The following C3orf52 variants were observed in gnomAD, a reference collection of about 807,000 sequenced individuals.
C3orf52 encodes chromosome 3 open reading frame 52.
Under a neutral mutation model 24.8 loss-of-function variants are expected in C3orf52, and 22 were observed. That is an observed-to-expected ratio of 0.89 (90% CI 0.63 to 1.27). C3orf52 has a LOEUF of 1.27. Ranked by LOEUF, C3orf52 falls within the 50% of genes most tolerant of loss-of-function variation. C3orf52 has a pLI of 0.00. For missense variants in C3orf52, 265 were observed against 260.7 expected (o/e 1.02, Z -0.11); for synonymous variants, 93 against 100.2 (o/e 0.93, Z 0.43).
rs143986051 is a variant in C3orf52 at position 112,088,636 on chromosome 3, A to G, written c.138+2091A>G. On this transcript the variant is annotated intron_variant, in intron 1 of 5. Transcript: ENST00000264848. ...TTGAACGTATGTTTTTTAGATCTCA[A>G]ACCTTTGCTGTTTCTGTTGATTTAT... Among the ~76,000 whole-genome samples the G allele has an allele frequency of 4.0e-5, 6 of 151,672 alleles. No individual in the cohort carries two copies. In the East Asian group the frequency reaches 1.2e-3, roughly 29 times the overall value.
intron 2 of C3orf52, among the ~76,000 whole-genome samples, chr3:112,096,908 C>T (rs919902605): frequency 2.0e-5 from 3 of 152,176 alleles, no homozygotes; most frequent in Non-Finnish European, 4.4e-5. Flanking sequence ...AATTCAGGAT[C>T]ATGGCTTAGC....
At chr3:112,119,544 C>T (rs1157965275), downstream of C3orf52, 4 of 702,796 alleles carry the variant, frequency 5.7e-6, no homozygotes, top group Non-Finnish European at 7.8e-6. Context: ...TACACATGTT[C>T]GTGTCTTCTT....
chr3:112,112,810 T>C (rs764669496), intron 4 of C3orf52, 154 bp from the exon 5 acceptor site: 26 of 741,658 alleles, frequency 3.5e-5, no homozygotes, highest in Admixed American at 3.3e-4. Flanking sequence ...AGGATTCTTA[T>C]AGGACAGTAT....
At chr3:112,129,732 C>T (rs1228993010), downstream of C3orf52, 3 of 152,204 alleles carry the variant, frequency 2.0e-5, no homozygotes, top group Non-Finnish European at 4.4e-5. Flanking sequence ...CTCTGGGTCT[C>T]CAGCCCCTAA....
downstream of C3orf52, chr3:112,134,596 A>G (rs1371570062): frequency 6.6e-6 from 1 of 152,240 alleles, no homozygotes; most frequent in East Asian, 1.9e-4. Flanking sequence ...AAAATTGAAC[A>G]TAGGGTTACT....
exon 5 of C3orf52, chr3:112,128,345 GTAA>G: frequency 1.7e-6 from 1 of 583,684 alleles, no homozygotes; most frequent in East Asian, 3.4e-5. Flanking sequence ...TGGTTCCCTT[GTAA>G]TGAAGAACAC....
At chr3:112,126,676 C>G (rs1262130803) in intron 4 of C3orf52, among the ~76,000 whole-genome samples, 1 of 152,310 alleles carries the variant, frequency 6.6e-6, no homozygotes, top group South Asian at 2.1e-4. Flanking sequence ...TCCCCTATCC[C>G]AGGCTGGCTT....
At position 112,127,130 on chromosome 3, in the gene C3orf52, G is replaced by A; in HGVS notation, c.*47-1103G>A. On this transcript the variant is annotated intron_variant, in intron 4 of 4. Transcript: ENST00000480282. ...AACTTACTTTTAACTCTTTGTTAAA[G>A]TTATATACCTTTTATAATACCTCCT... 6 of 733,508 alleles carry A rather than the reference G, an allele frequency of 8.2e-6. No homozygotes were observed. In the South Asian group the frequency reaches 8.9e-5, roughly 11 times the overall value. 45.4% of individuals were successfully genotyped at this position (733,508 alleles called of 1,614,324 possible).
At position 112,092,453 on chromosome 3, in the gene C3orf52, G is replaced by C. The variant is rs6766916; in HGVS notation, c.139-907G>C. ...AGGAGAAGAGTCATGGGACCATATA[G>C]GGTAAGGTGGGGGCCCCTCTGTGAC... On this transcript the variant is annotated intron_variant, in intron 1 of 5. Transcript: ENST00000264848. Among the ~76,000 whole-genome samples, 350 of 152,300 alleles carry C rather than the reference G, an allele frequency of 2.3e-3. 2 individuals carry two copies. The highest frequency in any genetic ancestry group is 8.2e-3 in the African/African-American group (342 of 41,570).
At chr3:112,129,529 T>C (rs1173968095), downstream of C3orf52, 2 of 152,184 alleles carry the variant, frequency 1.3e-5, no homozygotes, top group Non-Finnish European at 2.9e-5. Flanking sequence ...TGTCAGGAAT[T>C]TGAGGTATCT....
intron 4 of C3orf52, chr3:112,112,547 G>A (rs145234695): frequency 8.7e-5 from 18 of 206,970 alleles, no homozygotes; most frequent in Non-Finnish European, 1.7e-4. Flanking sequence ...CCTTTGTGGG[G>A]GCAATGCTGA....
At chr3:112,094,051 G>C (rs2073904094) in intron 2 of C3orf52, among the ~76,000 whole-genome samples, 1 of 151,982 alleles carries the variant, frequency 6.6e-6, no homozygotes, top group Non-Finnish European at 1.5e-5. Flanking sequence ...CTAGAGTGCA[G>C]TGGCACGACT....
At chr3:112,123,268 G>A in intron 4 of C3orf52, 1 of 1,055,566 alleles carries the variant, frequency 9.5e-7, no homozygotes, top group Non-Finnish European at 1.3e-6. Flanking sequence ...CAGGATAAAT[G>A]GTTGATCTTT....
chr3:112,093,513 A>C (rs1180973453), intron 2 of C3orf52, 24 bp downstream of exon 2: 2 of 1,600,672 alleles, frequency 1.2e-6, no homozygotes, highest in Non-Finnish European at 8.5e-7. Context: ...GATGTGAATA[A>C]ATAACACATT....
chr3:112,133,011 T>G, downstream of C3orf52: 1 of 1,431,534 alleles, frequency 7.0e-7, no homozygotes. Flanking sequence ...GTGCTAACTG[T>G]ATACTAGCTT....
downstream of C3orf52, among the ~76,000 whole-genome samples, chr3:112,118,431 C>G (rs558384868): frequency 6.6e-6 from 1 of 152,322 alleles, no homozygotes; most frequent in African/African-American, 2.4e-5. Flanking sequence ...GAGGCCCTCT[C>G]TGGCAGGACT....
chr3:112,132,760 G>T, downstream of C3orf52: 1 of 611,904 alleles, frequency 1.6e-6, no homozygotes, highest in Non-Finnish European at 2.1e-6. Context: ...AGCATGAGGA[G>T]CTCAGGAGAG....
chr3:112,100,479 T>A (rs12172961), intron 2 of C3orf52, among the ~76,000 whole-genome samples: 8,545 of 152,316 alleles, frequency 0.056, 329 homozygotes, highest in East Asian at 0.12. Flanking sequence ...ACACAACTAT[T>A]TAGATAGGTC....
chr3:112,125,511 TTCC>T (rs916302085), intron 4 of C3orf52, among the ~76,000 whole-genome samples: 3 of 152,160 alleles, frequency 2.0e-5, no homozygotes, highest in African/African-American at 7.2e-5. Context: ...TCACGATTTC[TTCC>T]TCCAGCTCTC....
Sources: allele counts gnomAD v4.1 joint callset (sites outside exome capture counted in the v4.1 genomes callset), GRCh38; gene constraint gnomAD v4.1.1; transcripts MANE v1.5; gene names NCBI Gene and HGNC (gene_info 2026-07-23, HGNC 2026-07-21).